CDH18: variants seen among roughly 807,000 people sequenced by gnomAD.
The protein encoded by CDH18 is cadherin-18.
In CDH18, 31 loss-of-function variants were observed where a neutral mutation model predicts 67.9. The observed-to-expected ratio is 0.46, with a 90% CI of 0.34 to 0.62. The LOEUF (loss-of-function observed/expected upper bound fraction) is 0.62. Ranked by LOEUF, CDH18 falls within the 20% of genes least tolerant of loss-of-function variation. The pLI, the probability that CDH18 is intolerant of heterozygous loss-of-function variation, is 0.01. For synonymous variants in CDH18, 362 were observed against 347.2 expected, an observed-to-expected ratio of 1.04 and a Z score of -0.48; for missense variants, 890 against 975.5, an observed-to-expected ratio of 0.91 and a Z score of 1.17.
At chr5:20,227,269 T>C (rs1027732799) in intron 2 of CDH18, among the ~76,000 whole-genome samples, 1 of 152,128 alleles carries the variant, frequency 6.6e-6, no homozygotes, top group African/African-American at 2.4e-5. Context: ...AAATTCATGG[T>C]TTCCAGTGTC....
intron 1 of CDH18, among the ~76,000 whole-genome samples, chr5:20,405,843 C>T (rs1368242429): frequency 6.6e-6 from 1 of 152,198 alleles, no homozygotes; most frequent in Admixed American, 6.5e-5. Flanking sequence ...TGCTCATCAT[C>T]ACTGGTCATC....
chr5:20,165,940 CTG>C (rs1736248226), intron 2 of CDH18, among the ~76,000 whole-genome samples: 1 of 151,952 alleles, frequency 6.6e-6, no homozygotes, highest in African/African-American at 2.4e-5. Flanking sequence ...AAGAAAAAAA[CTG>C]TGTCCATTTT....
intron 3 of CDH18, among the ~76,000 whole-genome samples, chr5:19,761,962 G>A (rs970818924): frequency 5.3e-5 from 8 of 152,102 alleles, no homozygotes; most frequent in Non-Finnish European, 8.8e-5. Flanking sequence ...TCTGATATTT[G>A]ACAAACCTGA....
intron 1 of CDH18, among the ~76,000 whole-genome samples, chr5:20,297,630 A>C (rs938908054): frequency 9.2e-5 from 14 of 152,228 alleles, no homozygotes; most frequent in Non-Finnish European, 1.9e-4. Context: ...TGCTAAATAT[A>C]CAATTTGTCG....
At chr5:19,733,390 T>C (rs1033092782) in intron 4 of CDH18, among the ~76,000 whole-genome samples, 2 of 152,196 alleles carry the variant, frequency 1.3e-5, no homozygotes, top group African/African-American at 4.8e-5. Flanking sequence ...TTCTTTATCC[T>C]ATGCCTATAA....
chr5:19,940,469 G>A (rs73762450), intron 2 of CDH18, among the ~76,000 whole-genome samples: 4,334 of 149,884 alleles, frequency 0.029, 224 homozygotes, highest in East Asian at 0.21. Context: ...AATGTGTATC[G>A]AAGAGACCTA....
chr5:20,266,063 A>G (rs1460970855), intron 1 of CDH18, among the ~76,000 whole-genome samples: 1 of 152,152 alleles, frequency 6.6e-6, no homozygotes, highest in African/African-American at 2.4e-5. Flanking sequence ...GGACTTTGAC[A>G]TGGGCTGTGA....
intron 3 of CDH18, among the ~76,000 whole-genome samples, chr5:19,794,146 A>C (rs1245801714): frequency 6.6e-6 from 1 of 152,132 alleles, no homozygotes; most frequent in Non-Finnish European, 1.5e-5. Context: ...CATGAAATAT[A>C]ACTAACTTTG....
At chr5:20,237,756 A>C (rs564725486) in intron 2 of CDH18, among the ~76,000 whole-genome samples, 1 of 152,166 alleles carries the variant, frequency 6.6e-6, no homozygotes, top group African/African-American at 2.4e-5. Flanking sequence ...CAGATGCAAC[A>C]CAATTCCAAT....
At chr5:20,159,973 A>G (rs1366340843) in intron 2 of CDH18, among the ~76,000 whole-genome samples, 4 of 152,204 alleles carry the variant, frequency 2.6e-5, no homozygotes, top group Non-Finnish European at 4.4e-5. Flanking sequence ...TATCAGTGAG[A>G]TAACAAATAA....
chr5:20,090,954 G>C (rs183952633), intron 2 of CDH18, among the ~76,000 whole-genome samples: 1 of 151,778 alleles, frequency 6.6e-6, no homozygotes, highest in Non-Finnish European at 1.5e-5. Flanking sequence ...GGAGGCTCTA[G>C]TGGGAGAATG....
At chr5:20,270,341 G>A (rs1745344728) in intron 1 of CDH18, among the ~76,000 whole-genome samples, 1 of 152,100 alleles carries the variant, frequency 6.6e-6, no homozygotes, top group Non-Finnish European at 1.5e-5. Flanking sequence ...TTGTTGTTAT[G>A]TAAGATGTTA....
At chr5:19,973,695 A>C (rs1377743772) in intron 2 of CDH18, among the ~76,000 whole-genome samples, 1 of 152,160 alleles carries the variant, frequency 6.6e-6, no homozygotes, top group Non-Finnish European at 1.5e-5. Context: ...AAAATATGAG[A>C]GAAGGACATT....
At chr5:20,557,882 AAATGTTATAGTTATATAACATTT>A (rs1561128752) in intron 1 of CDH18, among the ~76,000 whole-genome samples, 102 of 83,292 alleles carry the variant, frequency 1.2e-3, no homozygotes, top group South Asian at 7.3e-3. Context: ...ATATAACATT[AAATGTTATAGTTATATAACATTT>A]AATGTTATAG....
intron 1 of CDH18, among the ~76,000 whole-genome samples, chr5:20,425,340 C>T (rs1174273279): frequency 6.7e-6 from 1 of 150,124 alleles, no homozygotes; most frequent in East Asian, 1.9e-4. Context: ...GATTGCACTC[C>T]AGCCTAGGTG....
chr5:19,955,448 A>G (rs1796171352), intron 2 of CDH18, among the ~76,000 whole-genome samples: 1 of 152,118 alleles, frequency 6.6e-6, no homozygotes, highest in African/African-American at 2.4e-5. Context: ...TAAAGCTGTG[A>G]GATGATGAAT....
chr5:20,044,632 T>A (rs914348862), intron 2 of CDH18, among the ~76,000 whole-genome samples: 1 of 152,168 alleles, frequency 6.6e-6, no homozygotes, highest in Non-Finnish European at 1.5e-5. Context: ...TACCACTTCC[T>A]TGAGAGCCCT....
intron 2 of CDH18, among the ~76,000 whole-genome samples, chr5:20,198,526 A>G (rs1739171759): frequency 6.6e-6 from 1 of 152,184 alleles, no homozygotes; most frequent in Non-Finnish European, 1.5e-5. Flanking sequence ...CTAAGCAGCA[A>G]AGCATTCAAG....
At chr5:20,099,484 AT>A (rs1447931705) in intron 2 of CDH18, among the ~76,000 whole-genome samples, 2 of 152,184 alleles carry the variant, frequency 1.3e-5, no homozygotes, top group East Asian at 1.9e-4. Flanking sequence ...TTAAACATTC[AT>A]TTTTTTCAGG....
Sources: gnomAD v4.1 joint callset for allele counts (sites outside exome capture counted in the v4.1 genomes callset) on GRCh38, gnomAD v4.1.1 for gene constraint, MANE v1.5 for transcripts, NCBI Gene and HGNC (gene_info 2026-07-23, HGNC 2026-07-21) for gene names.